PBX3: variants seen among roughly 807,000 people sequenced by gnomAD.
PBX3 encodes the protein PBX homeobox 3.
PBX3 carries 14 observed loss-of-function variants against 48.5 expected under a neutral mutation model. That is an observed-to-expected ratio of 0.29 (90% CI 0.19 to 0.45). The LOEUF (loss-of-function observed/expected upper bound fraction) is 0.45. PBX3 is among the 20% of genes least tolerant of loss of function. The probability of loss-of-function intolerance (pLI) is 1.00; values close to 1 mark genes in which losing one functional copy is unlikely to be tolerated. For synonymous variants in PBX3, 210 were observed against 200.3 expected (o/e 1.05, Z -0.41); for missense variants, 386 against 546.7 (o/e 0.71, Z 2.93).
chr9:125,899,645 T>C (rs1840894562), intron 2 of PBX3, among the ~76,000 whole-genome samples: 1 of 151,346 alleles, frequency 6.6e-6, no homozygotes, highest in African/African-American at 2.4e-5. Context: ...GAACATCATA[T>C]AGACTCTCCT....
At chr9:125,948,524 T>C (rs898768370) in intron 5 of PBX3, among the ~76,000 whole-genome samples, 4 of 152,014 alleles carry the variant, frequency 2.6e-5, no homozygotes, top group African/African-American at 9.7e-5. Context: ...GAAATCACAA[T>C]AGAAATTAGA....
chr9:125,846,901 A>AT (rs112117752), intron 2 of PBX3, among the ~76,000 whole-genome samples: 45 of 146,738 alleles, frequency 3.1e-4, no homozygotes, highest in Admixed American at 6.8e-4. Flanking sequence ...CTTCTTTTCC[A>AT]TTTTTTTTTT....
At chr9:125,896,703 A>C (rs995541424) in intron 2 of PBX3, among the ~76,000 whole-genome samples, 1 of 152,036 alleles carries the variant, frequency 6.6e-6, no homozygotes, top group East Asian at 1.9e-4. Flanking sequence ...TTAACCTGCA[A>C]GCTAATTAGC....
chr9:125,762,151 A>G (rs1268132786), intron 2 of PBX3, among the ~76,000 whole-genome samples: 2 of 152,172 alleles, frequency 1.3e-5, no homozygotes, highest in Non-Finnish European at 2.9e-5. Flanking sequence ...CTTTACGTAC[A>G]TTGTTTTATT....
At chr9:125,814,693 A>G (rs1320614820) in intron 2 of PBX3, among the ~76,000 whole-genome samples, 6 of 152,240 alleles carry the variant, frequency 3.9e-5, no homozygotes, top group East Asian at 1.9e-4. Flanking sequence ...ACCATTGATC[A>G]TGCTGTATTC....
intron 8 of PBX3, among the ~76,000 whole-genome samples, chr9:125,965,290 G>T (rs1842507348): frequency 6.6e-6 from 1 of 152,208 alleles, no homozygotes; most frequent in African/African-American, 2.4e-5. Context: ...TTTTAACAGT[G>T]TGTGCTGCTC....
intron 5 of PBX3, 32 bp downstream of exon 5, chr9:125,935,639 C>T (rs1486473102): frequency 2.5e-6 from 4 of 1,586,196 alleles, no homozygotes; most frequent in Non-Finnish European, 3.4e-6. Flanking sequence ...TGTCTTGTTC[C>T]CTGTGGAGAC....
intron 6 of PBX3, among the ~76,000 whole-genome samples, chr9:125,961,688 A>G (rs1842434786): frequency 6.6e-6 from 1 of 152,184 alleles, no homozygotes; most frequent in Admixed American, 6.5e-5. Flanking sequence ...CATAGCGAAG[A>G]AAGAGCTCCT....
At chr9:125,826,609 T>G (rs1334433805) in intron 2 of PBX3, among the ~76,000 whole-genome samples, 1 of 152,168 alleles carries the variant, frequency 6.6e-6, no homozygotes, top group East Asian at 1.9e-4. Context: ...AATATATGCA[T>G]AAGATATATT....
At chr9:125,826,566 A>C (rs925383965) in intron 2 of PBX3, among the ~76,000 whole-genome samples, 1 of 152,172 alleles carries the variant, frequency 6.6e-6, no homozygotes, top group African/African-American at 2.4e-5. Flanking sequence ...AGTTCAGCTT[A>C]TTGGGTGATG....
chr9:125,767,998 A>G (rs1450210828), intron 2 of PBX3, among the ~76,000 whole-genome samples: 3 of 152,012 alleles, frequency 2.0e-5, no homozygotes. Context: ...AGTTTAGAAG[A>G]GGGAAATCTG....
rs145492331 is a variant in PBX3 at position 125,816,702 on chromosome 9, A to T, written c.274+68079A>T. 7.2e-5 allele frequency among the ~76,000 whole-genome samples: 11 copies of T among 152,204 alleles called. No individual in the cohort carries two copies. In the East Asian group the frequency reaches 2.1e-3, roughly 29 times the overall value. ...ATATTATACTCTTTTGACTGGGGAA[A>T]GGGTTGTGTCTGTCCTCAAGTTTTA... On this transcript the variant is annotated intron_variant, in intron 2 of 8. Coordinates refer to ENST00000373489, the MANE Select transcript of PBX3 (RefSeq NM_006195.6).
At chr9:125,943,315 A>G (rs1057396100) in intron 5 of PBX3, among the ~76,000 whole-genome samples, 9 of 120,130 alleles carry the variant, frequency 7.5e-5, no homozygotes, top group Non-Finnish European at 1.3e-4. Context: ...AGATCATGCC[A>G]TTGCACTCCA....
chr9:125,755,765 G>T (rs1588117999), intron 2 of PBX3, among the ~76,000 whole-genome samples: 2 of 147,970 alleles, frequency 1.4e-5, no homozygotes, highest in African/African-American at 5.1e-5. Context: ...AACATTGGTG[G>T]ATTCTTTTTT....
intron 2 of PBX3, among the ~76,000 whole-genome samples, chr9:125,833,183 G>A (rs550335798): frequency 2.1e-4 from 32 of 152,076 alleles, no homozygotes; most frequent in African/African-American, 7.5e-4. Context: ...TGCTAAGAAT[G>A]TACTGGTAAT....
chr9:125,838,693 GC>G (rs1299077848), intron 2 of PBX3, among the ~76,000 whole-genome samples: 1 of 152,152 alleles, frequency 6.6e-6, no homozygotes, highest in African/African-American at 2.4e-5. Context: ...ATTGGTTTCT[GC>G]TAATGTCAAG....
At chr9:125,841,106 T>G (rs1839278842) in intron 2 of PBX3, among the ~76,000 whole-genome samples, 1 of 152,144 alleles carries the variant, frequency 6.6e-6, no homozygotes, top group African/African-American at 2.4e-5. Context: ...TATTATGGTT[T>G]GTTTGATTAT....
chr9:125,860,197 C>T (rs1414026232), intron 2 of PBX3, among the ~76,000 whole-genome samples: 1 of 152,196 alleles, frequency 6.6e-6, no homozygotes, highest in Non-Finnish European at 1.5e-5. Flanking sequence ...TGCCAGTTGT[C>T]CTCCCATAAG....
chr9:125,965,297 G>C (rs1483949191), intron 8 of PBX3, among the ~76,000 whole-genome samples: 3 of 152,198 alleles, frequency 2.0e-5, no homozygotes, highest in African/African-American at 7.2e-5. Flanking sequence ...AGTGTGTGCT[G>C]CTCTGCGGCT....
Sources: allele counts gnomAD v4.1 joint callset (sites outside exome capture counted in the v4.1 genomes callset), GRCh38; gene constraint gnomAD v4.1.1; transcripts MANE v1.5; gene names NCBI Gene and HGNC (gene_info 2026-07-23, HGNC 2026-07-21).